ASIC2: variants seen among roughly 807,000 people sequenced by gnomAD.
The protein encoded by ASIC2 is acid-sensing ion channel 2.
A neutral mutation model predicts 57.3 loss-of-function variants in ASIC2; 25 were observed. That is an observed-to-expected ratio of 0.44 (90% CI 0.32 to 0.61). The LOEUF is 0.61. ASIC2 is among the 20% of genes least tolerant of loss of function. ASIC2 has a pLI of 0.06. For synonymous variants in ASIC2, 319 were observed against 307.5 expected (o/e 1.04, Z -0.39); for missense variants, 641 against 738.1 (o/e 0.87, Z 1.52).
At chr17:33,514,549 A>C (rs997294045) in intron 1 of ASIC2, among the ~76,000 whole-genome samples, 3 of 152,238 alleles carry the variant, frequency 2.0e-5, no homozygotes, top group African/African-American at 7.2e-5. Flanking sequence ...GGACTCCTAC[A>C]TTCCGAGCAT....
intron 1 of ASIC2, among the ~76,000 whole-genome samples, chr17:33,307,825 A>G (rs552781818): frequency 4.6e-5 from 7 of 152,302 alleles, no homozygotes; most frequent in South Asian, 2.1e-4. Flanking sequence ...AGATTAAATA[A>G]CACATGTAAA....
chr17:33,454,910 C>T (rs1257303490), intron 1 of ASIC2, among the ~76,000 whole-genome samples: 1 of 152,214 alleles, frequency 6.6e-6, no homozygotes, highest in Non-Finnish European at 1.5e-5. Flanking sequence ...TGGTAGTGCT[C>T]ATGACTTAAT....
intron 1 of ASIC2, among the ~76,000 whole-genome samples, chr17:34,100,720 G>A (rs189323724): frequency 8.5e-5 from 13 of 152,152 alleles, no homozygotes; most frequent in Middle Eastern, 3.2e-3. Flanking sequence ...CTCCTACTGC[G>A]TCTCCCTTCA....
chr17:33,409,733 G>T (rs114370288), intron 1 of ASIC2, among the ~76,000 whole-genome samples: 1 of 152,164 alleles, frequency 6.6e-6, no homozygotes, highest in African/African-American at 2.4e-5. Context: ...TCTTATGTGT[G>T]GGGGAGGGGT....
At chr17:33,605,118 G>T (rs769869996) in intron 1 of ASIC2, among the ~76,000 whole-genome samples, 1 of 152,154 alleles carries the variant, frequency 6.6e-6, no homozygotes, top group African/African-American at 2.4e-5. Flanking sequence ...TGATTTAGCT[G>T]CATGTTCTCA....
At chr17:33,015,209 C>T (rs1329725788) in intron 9 of ASIC2, among the ~76,000 whole-genome samples, 2 of 152,162 alleles carry the variant, frequency 1.3e-5, no homozygotes, top group Non-Finnish European at 2.9e-5. Flanking sequence ...CAATGGGCAC[C>T]GTTTTCCAGG....
intron 3 of ASIC2, among the ~76,000 whole-genome samples, chr17:33,062,182 G>C (rs2092023577): frequency 6.6e-6 from 1 of 152,090 alleles, no homozygotes; most frequent in Non-Finnish European, 1.5e-5. Context: ...TCTGATCTTG[G>C]TTGTTTCTTG....
chr17:33,533,182 C>T (rs994946360), intron 1 of ASIC2, among the ~76,000 whole-genome samples: 3 of 152,046 alleles, frequency 2.0e-5, no homozygotes, highest in African/African-American at 7.2e-5. Flanking sequence ...CCCATCTCTA[C>T]TAAAAATACA....
At position 33,390,887 on chromosome 17, in the gene ASIC2, A is replaced by G. The variant is rs143653755; in HGVS notation, c.556-278820T>C. Among the ~76,000 whole-genome samples the G allele has an allele frequency of 8.5e-5, 13 of 152,280 alleles. No homozygotes were observed. The East Asian group carries it at 2.5e-3, about 29-fold the overall frequency. On this transcript the variant is annotated intron_variant, in intron 1 of 9. Transcript: ENST00000359872. Reference sequence around the variant, plus strand: ...TTTCTTCATTAGAAGCATGGCACTCAAGGCTAACCCACACTCAAGGGGCAG... The same window carrying G: ...TTTCTTCATTAGAAGCATGGCACTCGAGGCTAACCCACACTCAAGGGGCAG...
intron 1 of ASIC2, among the ~76,000 whole-genome samples, chr17:33,210,706 G>T (rs1215959997): frequency 6.6e-6 from 1 of 152,188 alleles, no homozygotes; most frequent in African/African-American, 2.4e-5. Flanking sequence ...GCTTGGCCCT[G>T]CCCTCCAAAG....
rs1191912579 is a variant in ASIC2, at chr17:33,990,758, G to A, written c.555+165220C>T. ...AAGAATTATGCAAGAGGCATAAAGG[G>A]TGCACCAAGGAGGGAGTGATGAATT... On this transcript the variant is annotated intron_variant, in intron 1 of 9. Coordinates refer to the ASIC2 transcript ENST00000359872. 3.9e-5 allele frequency among the ~76,000 whole-genome samples: 6 copies of A among 152,184 alleles called. No homozygotes were observed. The East Asian group carries it at 1.2e-3, about 29-fold the overall frequency.
At chr17:34,046,265 G>C (rs78330353) in intron 1 of ASIC2, among the ~76,000 whole-genome samples, 7,851 of 152,216 alleles carry the variant, frequency 0.052, 600 homozygotes, top group African/African-American at 0.17. Flanking sequence ...GAGCCACTAA[G>C]TGTTTGGACT....
At chr17:33,899,718 T>G (rs1193210764) in intron 1 of ASIC2, among the ~76,000 whole-genome samples, 3 of 152,222 alleles carry the variant, frequency 2.0e-5, no homozygotes, top group African/African-American at 7.2e-5. Flanking sequence ...CTGAAACTTG[T>G]GTTCAAAATT....
At chr17:33,503,291 C>G (rs140847679) in intron 1 of ASIC2, among the ~76,000 whole-genome samples, 99 of 152,258 alleles carry the variant, frequency 6.5e-4, no homozygotes, top group African/African-American at 2.2e-3. Context: ...ATGCTACTTT[C>G]TCTATTTAAT....
intron 1 of ASIC2, among the ~76,000 whole-genome samples, chr17:34,117,804 G>A (rs1289914266): frequency 1.3e-5 from 2 of 152,166 alleles, no homozygotes; most frequent in African/African-American, 4.8e-5. Flanking sequence ...AGATCCACTA[G>A]ATAATGTCAT....
intron 3 of ASIC2, among the ~76,000 whole-genome samples, chr17:33,074,084 C>T (rs538307142): frequency 1.3e-5 from 2 of 152,308 alleles, no homozygotes; most frequent in South Asian, 4.1e-4. Flanking sequence ...CTCCGAGGCT[C>T]TCTGCTCCTT....
intron 1 of ASIC2, among the ~76,000 whole-genome samples, chr17:34,142,777 C>A (rs1480573509): frequency 1.3e-5 from 2 of 152,174 alleles, no homozygotes; most frequent in African/African-American, 4.8e-5. Context: ...ATAAAGTTAT[C>A]ATTTCTTCCA....
intron 1 of ASIC2, among the ~76,000 whole-genome samples, chr17:34,101,856 G>A (rs1910877433): frequency 6.6e-6 from 1 of 152,100 alleles, no homozygotes; most frequent in African/African-American, 2.4e-5. Flanking sequence ...CAACTCCTAT[G>A]TATCACCTGG....
upstream of ASIC2, among the ~76,000 whole-genome samples, chr17:33,293,656 G>A (rs1401644933): frequency 6.6e-6 from 1 of 152,178 alleles, no homozygotes; most frequent in Admixed American, 6.5e-5. Flanking sequence ...TTGCGAGTGT[G>A]GTGCCAAGTA....
Sources: gnomAD v4.1 joint callset for allele counts (sites outside exome capture counted in the v4.1 genomes callset) on GRCh38, gnomAD v4.1.1 for gene constraint, MANE v1.5 for transcripts, NCBI Gene and HGNC (gene_info 2026-07-23, HGNC 2026-07-21) for gene names.